DEAF1: variants seen among roughly 807,000 people sequenced by gnomAD.
DEAF1 encodes DEAF1 transcription factor, also known as deformed epidermal autoregulatory factor 1 homolog.
A neutral mutation model predicts 58.9 loss-of-function variants in DEAF1; 53 were observed. The ratio of observed to expected loss-of-function variants is 0.90; its 90% CI spans 0.72 to 1.13. The LOEUF (loss-of-function observed/expected upper bound fraction) is 1.13. Among genes scored for constraint, DEAF1 ranks in the 50% most tolerant of loss-of-function variants. The pLI is 0.00. For missense variants in DEAF1, 685 were observed against 791.4 expected (o/e 0.87, Z 1.61); for synonymous variants, 385 against 340.4 (o/e 1.13, Z -1.44).
At chr11:674,850 G>T in intron 9 of DEAF1, 67 bp from the exon 10 acceptor site, 2 of 1,596,458 alleles carry the variant, frequency 1.3e-6, no homozygotes, top group Non-Finnish European at 1.7e-6. Context: ...AATGGCCTCC[G>T]TTAAAAATTC....
intron 4 of DEAF1, among the ~76,000 whole-genome samples, chr11:687,391 C>T (rs1860639988): frequency 6.6e-6 from 1 of 152,244 alleles, no homozygotes; most frequent in Admixed American, 6.5e-5. Flanking sequence ...GGCTTTTCAC[C>T]CCCAGATGGT....
chr11:678,290 C>T (rs898760379), intron 9 of DEAF1: 27 of 273,872 alleles, frequency 9.9e-5, no homozygotes, highest in Non-Finnish European at 1.8e-4. Context: ...ATTTAGGCCA[C>T]ATTTAGGCCT....
intron 10 of DEAF1, among the ~76,000 whole-genome samples, chr11:655,688 C>A (rs1403799274): frequency 6.6e-6 from 1 of 152,240 alleles, no homozygotes; most frequent in Admixed American, 6.5e-5. Context: ...TGCCTCCCTC[C>A]TTCGCAAACG....
In DEAF1 at chr11:694,960, C is replaced by G. The variant is rs2133439426; in HGVS notation, c.88G>C (p.Ala30Pro). ...AAAAAVAAAA[A>P]AAAGGEAEEP... ...TCCGCCTCGCCTCCTGCCGCGGCCG[C>G]GGCCGCCGCCGCCACAGCGGCCGCG... Residue 30 changes from alanine to proline, a missense_variant, in exon 1 of 12, where the codon GCG (alanine) becomes CCG (proline). This residue lies in a region of DEAF1 where 210 missense variants were observed against 177.3 expected (regional missense o/e 1.18). Coordinates refer to ENST00000382409, the MANE Select transcript of DEAF1 (RefSeq NM_021008.4). 8.9e-7 allele frequency: 1 copy of G among 1,124,020 alleles called. No homozygotes were observed. The highest frequency in any genetic ancestry group is 1.1e-6 in the Non-Finnish European group (1 of 919,042). The allele number at this position is 1,124,020 out of a possible 1,614,324, so 69.6% of individuals were successfully genotyped here.
In DEAF1 at chr11:655,722, G is replaced by T. The variant is rs762047615; in HGVS notation, c.1504-1671C>A. Among the ~76,000 whole-genome samples, 148 of 151,964 alleles carry T rather than the reference G, an allele frequency of 9.7e-4. 1 individual carries two copies. The highest frequency in any genetic ancestry group is 3.4e-3 in the Middle Eastern group (1 of 294). Reference sequence around the variant, plus strand: ...CGTGATCTTTAACATTTTTCCAGTTGTAAGACATTCAGAGCTCCGACATTC... The same window carrying T: ...CGTGATCTTTAACATTTTTCCAGTTTTAAGACATTCAGAGCTCCGACATTC... On this transcript the variant is annotated intron_variant, in intron 10 of 11. Coordinates refer to ENST00000382409, the MANE Select transcript of DEAF1 (RefSeq NM_021008.4).
At chr11:697,777 G>A (rs1370516513), upstream of DEAF1, 3 of 152,262 alleles carry the variant, frequency 2.0e-5, no homozygotes, top group African/African-American at 7.2e-5. Flanking sequence ...GATGCGGCGT[G>A]GTCTGCCGTG....
chr11:681,189 C>T, intron 6 of DEAF1, 100 bp from the exon 7 acceptor site: 1 of 1,528,224 alleles, frequency 6.5e-7, no homozygotes, highest in South Asian at 1.1e-5. Flanking sequence ...GTGTGTGAGT[C>T]ACATGGTGAG....
At chr11:649,628 G>A (rs995230488) in intron 11 of DEAF1, among the ~76,000 whole-genome samples, 6 of 151,786 alleles carry the variant, frequency 4.0e-5, no homozygotes, top group Admixed American at 2.0e-4. Flanking sequence ...AATGAGGCAC[G>A]AGAATCCCTT....
chr11:654,467 C>T (rs1858950020), intron 10 of DEAF1: 3 of 453,366 alleles, frequency 6.6e-6, no homozygotes, highest in Non-Finnish European at 1.3e-5. Flanking sequence ...GCCCAGCTCC[C>T]ATTGGACTCT....
chr11:668,123 A>G (rs953186102), intron 10 of DEAF1, among the ~76,000 whole-genome samples: 1 of 152,174 alleles, frequency 6.6e-6, no homozygotes, highest in Non-Finnish European at 1.5e-5. Flanking sequence ...AAAAAAATAT[A>G]TATATGTAAG....
chr11:674,542 C>A lies in DEAF1; in HGVS notation c.1497G>T (p.Arg499=). 6.2e-7 allele frequency: 1 copy of A among 1,614,064 alleles called. No individual in the cohort carries two copies. The highest frequency in any genetic ancestry group is 1.3e-5 in the African/African-American group (1 of 75,024). ...CCATTTGTTCCAAGGTTACCTCCTT[C>A]CGCTCTGCGTCAGCGTGGATCTTGG... ...NQAKIHADAE[R]KEQSCVNCGR... is the part of the protein sequence containing the mutation. Residue 499 remains arginine, a synonymous_variant, in exon 10 of 12, where the codon CGG becomes CGT. Coordinates refer to ENST00000382409, the MANE Select transcript of DEAF1 (RefSeq NM_021008.4).
chr11:689,192 TTTTC>T (rs969016722), intron 2 of DEAF1, among the ~76,000 whole-genome samples: 18 of 143,356 alleles, frequency 1.3e-4, no homozygotes, highest in South Asian at 2.2e-4. Flanking sequence ...CTGTTTCTTT[TTTTC>T]TTTTTCTTTT....
chr11:703,305 G>T, intron 1 of DEAF1: 7 of 1,424,226 alleles, frequency 4.9e-6, no homozygotes, highest in Non-Finnish European at 6.4e-6. Flanking sequence ...GGCAGGAGTG[G>T]GAGCAGGAGC....
At chr11:680,543 GA>G (rs1860308757) in intron 7 of DEAF1, among the ~76,000 whole-genome samples, 1 of 152,186 alleles carries the variant, frequency 6.6e-6, no homozygotes. Context: ...CTGGGAGGCC[GA>G]GGCTGCAGCG....
At chr11:669,491 C>T (rs1859707622) in intron 10 of DEAF1, among the ~76,000 whole-genome samples, 1 of 151,420 alleles carries the variant, frequency 6.6e-6, no homozygotes, top group Non-Finnish European at 1.5e-5. Flanking sequence ...ACAAAATTAG[C>T]TGGGCGTGGT....
intron 6 of DEAF1, among the ~76,000 whole-genome samples, chr11:682,558 T>TA (rs201558954): frequency 0.014 from 2,201 of 152,348 alleles, 35 homozygotes; most frequent in South Asian, 0.055. Context: ...TCTCTGTTCT[T>TA]ACGGCCTCTC....
rs558436376 is a variant in DEAF1, at chr11:670,931, G to GTTT, written c.1503+3602_1503+3604dup. Among the ~76,000 whole-genome samples the GTTT allele has an allele frequency of 3.2e-3, 296 of 91,372 alleles. 38 individuals are homozygous for GTTT. Among genetic ancestry groups the GTTT allele is most frequent in the African/African-American group, 0.015 (284 of 19,506 alleles). The allele number at this position is 91,372 out of a possible 152,430, so 59.9% of individuals were successfully genotyped here. ...TGGCATGTCACCACACCTGGCTAATGTTTTTTTTTTTTTTTGAGACAGAGT... is the reference window on the plus strand; with the variant it reads ...TGGCATGTCACCACACCTGGCTAATGTTTTTTTTTTTTTTTTTTGAGACAGAGT... On this transcript the variant is annotated intron_variant, in intron 10 of 11. Coordinates refer to ENST00000382409, the MANE Select transcript of DEAF1 (RefSeq NM_021008.4).
In DEAF1 at chr11:688,464, G is replaced by A. The variant is rs1302915545; in HGVS notation, c.388-4C>T. 2 of 1,613,668 alleles carry A rather than the reference G, an allele frequency of 1.2e-6. No homozygotes were observed. Among genetic ancestry groups the A allele is most frequent in the Admixed American group, 1.7e-5 (1 of 60,020 alleles). ...TCTGAAGGGCCGTCCTACCAGACTA[G>A]AAGGAAAAACCGCTCCGTCAGGTCA... On this transcript the variant is annotated splice_polypyrimidine_tract_variant and splice_region_variant and intron_variant, in intron 2 of 11. Coordinates refer to ENST00000382409, the MANE Select transcript of DEAF1 (RefSeq NM_021008.4). The surrounding 1 kb of genome is among the most constrained non-coding windows in gnomAD (Gnocchi z 4.3).
At chr11:668,429 T>C (rs1859654178) in intron 10 of DEAF1, among the ~76,000 whole-genome samples, 1 of 152,210 alleles carries the variant, frequency 6.6e-6, no homozygotes, top group South Asian at 2.1e-4. Context: ...TTTTGTTTTT[T>C]TGAGACAGGG....
Sources: gnomAD v4.1 joint callset for allele counts (sites outside exome capture counted in the v4.1 genomes callset) on GRCh38, gnomAD v4.1.1 for gene constraint, gnomAD v4.1.1 regional missense constraint, Gnocchi (gnomAD v3.1) non-coding constraint, MANE v1.5 for transcripts, NCBI Gene and HGNC (gene_info 2026-07-23, HGNC 2026-07-21) for gene names.